The following NEK10 variants were observed in gnomAD, a reference collection of about 807,000 sequenced individuals.
The protein encoded by NEK10 is serine/threonine-protein kinase Nek10.
Under a neutral mutation model 159.8 loss-of-function variants are expected in NEK10, and 122 were observed. That is an observed-to-expected ratio of 0.76 (90% confidence interval 0.66 to 0.89). The LOEUF (loss-of-function observed/expected upper bound fraction) is 0.89, where lower values mean the gene tolerates loss of function less well. NEK10 is among the 40% of genes least tolerant of loss of function. The pLI is 0.00. For missense variants in NEK10, 1,342 were observed against 1,323.1 expected (o/e 1.01, Z -0.22); for synonymous variants, 466 against 457.1 (o/e 1.02, Z -0.25).
chr3:27,207,889 C>T (rs1236497265), intron 23 of NEK10, among the ~76,000 whole-genome samples: 4 of 152,108 alleles, frequency 2.6e-5, no homozygotes, highest in African/African-American at 9.7e-5. Flanking sequence ...AAATTCTGAC[C>T]TGAGGTGACA....
At chr3:27,325,300 G>A (rs570131872) in intron 5 of NEK10, among the ~76,000 whole-genome samples, 11 of 152,310 alleles carry the variant, frequency 7.2e-5, no homozygotes, top group Admixed American at 3.9e-4. Context: ...GGAGATAATG[G>A]AAGCTATTCT....
At chr3:27,209,809 T>G (rs540280813) in intron 23 of NEK10, among the ~76,000 whole-genome samples, 258 of 152,338 alleles carry the variant, frequency 1.7e-3, no homozygotes, top group Middle Eastern at 3.4e-3. Flanking sequence ...AAAAAACACT[T>G]CTTTGGCATA....
chr3:27,202,197 T>TTTTAA lies in NEK10; in HGVS notation c.2220+226_2220+230dup, dbSNP rs557460472. Among the ~76,000 whole-genome samples the TTTTAA allele has an allele frequency of 5.4e-3, 819 of 151,976 alleles. 6 individuals are homozygous for TTTTAA. Among genetic ancestry groups the TTTTAA allele is most frequent in the African/African-American group, 0.019 (790 of 41,498 alleles). Reference sequence around the variant, plus strand: ...ATAAATAATAGAAGACCAAACGTCTTTTTAAAAATAATTTTGTATTATAAA... The same window carrying TTTTAA: ...ATAAATAATAGAAGACCAAACGTCTTTTTAATTTAAAAATAATTTTGTATTATAAA... On this transcript the variant is annotated intron_variant, in intron 24 of 35. Transcript: ENST00000691995.
At chr3:27,212,678 T>C (rs1951109066) in intron 23 of NEK10, among the ~76,000 whole-genome samples, 3 of 152,258 alleles carry the variant, frequency 2.0e-5, no homozygotes, top group Admixed American at 6.5e-5. Context: ...TATATAGTAG[T>C]TATTTCCGGG....
intron 32 of NEK10, among the ~76,000 whole-genome samples, chr3:27,127,517 A>AT (rs1385791632): frequency 3.3e-5 from 5 of 152,170 alleles, no homozygotes; most frequent in African/African-American, 9.7e-5. Flanking sequence ...ACTATGCAGC[A>AT]TTTTACTGTA....
At chr3:27,178,020 T>C (rs897734520) in intron 26 of NEK10, among the ~76,000 whole-genome samples, 6 of 152,284 alleles carry the variant, frequency 3.9e-5, no homozygotes, top group Non-Finnish European at 7.4e-5. Flanking sequence ...TAGGAATGGA[T>C]AGACACATTC....
intron 1 of NEK10, among the ~76,000 whole-genome samples, chr3:27,360,968 T>C (rs2048643001): frequency 6.6e-6 from 1 of 152,194 alleles, no homozygotes; most frequent in African/African-American, 2.4e-5. Context: ...AGAATTCTAA[T>C]AGTATTCTAA....
In NEK10 at chr3:27,285,047, C is replaced by T. The variant is rs1434824183; in HGVS notation, c.1790-86G>A. ...TTTACGAATGAGAGTTCAAGCTTCC[C>T]AGTGTCTGTGCGGGACACTAACACT... On this transcript the variant is annotated intron_variant, in intron 20 of 35. Coordinates refer to ENST00000691995, the MANE Select transcript of NEK10 (RefSeq NM_001394966.1). 8.8e-6 allele frequency: 9 copies of T among 1,018,180 alleles called. No homozygotes were observed. The East Asian group carries it at 2.0e-4, about 23-fold the overall frequency. The allele number at this position is 1,018,180 out of a possible 1,614,324, so 63.1% of individuals were successfully genotyped here. A position where few individuals can be genotyped will look rare whatever the true frequency, so the allele number is the denominator to read the frequency against.
chr3:27,187,321 G>GA (rs1948711271), intron 26 of NEK10, among the ~76,000 whole-genome samples: 1 of 152,108 alleles, frequency 6.6e-6, no homozygotes. Context: ...GGATGGCAAA[G>GA]AAACTTTTAG....
At chr3:27,129,483 T>G (rs1031593552) in intron 32 of NEK10, among the ~76,000 whole-genome samples, 3 of 151,984 alleles carry the variant, frequency 2.0e-5, no homozygotes, top group Admixed American at 1.3e-4. Flanking sequence ...AAAAATCCAT[T>G]TATGAACAGA....
intron 5 of NEK10, among the ~76,000 whole-genome samples, chr3:27,338,528 T>C (rs940505005): frequency 9.2e-5 from 14 of 152,236 alleles, no homozygotes; most frequent in Non-Finnish European, 1.8e-4. Flanking sequence ...TCCACAATGG[T>C]TGAACTAATT....
chr3:27,364,756 A>G (rs2149901676), intron 1 of NEK10, among the ~76,000 whole-genome samples: 1 of 152,368 alleles, frequency 6.6e-6, no homozygotes, highest in East Asian at 1.9e-4. Flanking sequence ...TTACAGATGA[A>G]GAAACTGAGG....
intron 23 of NEK10, chr3:27,214,784 G>A (rs1231573000): frequency 2.3e-6 from 2 of 874,184 alleles, no homozygotes. Context: ...ATGTTCTCAG[G>A]TGAAGTCACT....
At chr3:27,317,180 T>G (rs9813264) in intron 6 of NEK10, among the ~76,000 whole-genome samples, 7,126 of 152,280 alleles carry the variant, frequency 0.047, 292 homozygotes, top group African/African-American at 0.12. Context: ...GCCAGGAGAT[T>G]GCTCACAGAC....
intron 22 of NEK10, among the ~76,000 whole-genome samples, chr3:27,266,484 A>T (rs1318607408): frequency 6.6e-6 from 1 of 152,182 alleles, no homozygotes; most frequent in Non-Finnish European, 1.5e-5. Flanking sequence ...CTGGATAATC[A>T]AAACTTTCAC....
intron 5 of NEK10, 124 bp from the exon 6 acceptor site, chr3:27,322,385 C>T (rs2045705248): frequency 3.1e-6 from 2 of 642,782 alleles, no homozygotes; most frequent in Non-Finnish European, 2.8e-6. Flanking sequence ...GCACTGGGGA[C>T]TGTTATTTGG....
intron 22 of NEK10, among the ~76,000 whole-genome samples, chr3:27,276,350 A>T (rs899022738): frequency 2.0e-5 from 3 of 152,014 alleles, no homozygotes; most frequent in African/African-American, 7.2e-5. Flanking sequence ...GATGTCAAAG[A>T]TGCCCCCTGG....
Position 27,201,546 on chromosome 3 carries a change from C to T in NEK10, c.2255G>A (p.Gly752Asp). The T allele has an allele frequency of 6.2e-7, 1 of 1,613,920 alleles. No individual in the cohort carries two copies. Among genetic ancestry groups the T allele is most frequent in the Non-Finnish European group, 8.5e-7 (1 of 1,179,886 alleles). ...GTCTGTTACTTTTTCAGAGTAGATA[C>T]CTTCTGGGACTGGTTCATATACCGC... The part of the protein sequence containing the change: ...VEAVYEPVPE[G>D]IYSEKVTDTI... The change falls in exon 25 of 36, where the codon GGT becomes GAT. Residue 752 changes from glycine to aspartate, a missense_variant. Physicochemically the swap from Gly to Asp is moderately conservative, Grantham distance 94. Coordinates refer to ENST00000691995, the MANE Select transcript of NEK10 (RefSeq NM_001394966.1).
intron 22 of NEK10, among the ~76,000 whole-genome samples, chr3:27,266,751 G>T (rs570522437): frequency 2.0e-5 from 3 of 152,288 alleles, no homozygotes; most frequent in Admixed American, 2.0e-4. Context: ...GTAAAGCTTT[G>T]TCAGTAGAGG....
Sources: allele counts gnomAD v4.1 joint callset (sites outside exome capture counted in the v4.1 genomes callset), GRCh38; gene constraint gnomAD v4.1.1; transcripts MANE v1.5; gene names NCBI Gene and HGNC (gene_info 2026-07-23, HGNC 2026-07-21).